WDR70: variants seen among roughly 807,000 people sequenced by gnomAD.
WDR70 encodes WD repeat domain 70, also known as WD repeat-containing protein 70.
WDR70 carries 53 observed loss-of-function variants against 88.6 expected under a neutral mutation model. The observed-to-expected ratio is 0.60, with a 90% CI of 0.48 to 0.75. WDR70 has a LOEUF of 0.75. WDR70 is among the 30% of genes least tolerant of loss of function. The pLI is 0.00. For missense variants in WDR70, 610 were observed against 823.2 expected (o/e 0.74, Z 3.17); for synonymous variants, 280 against 270.0 (o/e 1.04, Z -0.36).
Position 37,563,601 on chromosome 5 carries a change from G to A in WDR70, c.918-41463G>A, listed in dbSNP as rs1363740868. Among the ~76,000 whole-genome samples, 3 of 82,790 alleles carry A rather than the reference G, an allele frequency of 3.6e-5. 1 individual carries two copies. The highest frequency in any genetic ancestry group is 9.4e-5 in the African/African-American group (3 of 32,060). The allele number at this position is 82,790 out of a possible 152,430, so 54.3% of individuals were successfully genotyped here. On this transcript the variant is annotated intron_variant, in intron 9 of 17. Transcript: ENST00000265107. ...TCCCGGACGGGCGGCTGGCCGGGCG[G>A]GGGGATGACCCCCCCCACCTCCCCC...
At chr5:37,554,132 C>T (rs1325558350) in intron 9 of WDR70, among the ~76,000 whole-genome samples, 9 of 139,816 alleles carry the variant, frequency 6.4e-5, no homozygotes, top group East Asian at 2.0e-4. Flanking sequence ...TTTTTAAGTA[C>T]GCTCAGGTTG....
At chr5:37,424,570 A>G (rs564772051) in intron 5 of WDR70, among the ~76,000 whole-genome samples, 9 of 151,530 alleles carry the variant, frequency 5.9e-5, no homozygotes, top group South Asian at 2.1e-4. Flanking sequence ...ATGCCCGGCT[A>G]ATTTTTTTAT....
chr5:37,563,010 C>A (rs1408967708), intron 9 of WDR70, among the ~76,000 whole-genome samples: 3 of 138,276 alleles, frequency 2.2e-5, no homozygotes, highest in African/African-American at 7.6e-5. Context: ...CTCCTCACTT[C>A]CCAGTAGGGG....
intron 9 of WDR70, among the ~76,000 whole-genome samples, chr5:37,598,406 G>A (rs973438632): frequency 6.6e-6 from 1 of 152,124 alleles, no homozygotes; most frequent in African/African-American, 2.4e-5. Context: ...AATGAGATTA[G>A]GGATATAAAC....
chr5:37,427,470 A>C (rs1387503673), intron 5 of WDR70, among the ~76,000 whole-genome samples: 4 of 152,082 alleles, frequency 2.6e-5, no homozygotes, highest in Non-Finnish European at 4.4e-5. Context: ...GTATATGTAC[A>C]TACATGTACA....
chr5:37,697,833 G>C, intron 11 of WDR70, 79 bp downstream of exon 11: 1 of 1,252,122 alleles, frequency 8.0e-7, no homozygotes, highest in Non-Finnish European at 1.1e-6. Context: ...TAATATCCTA[G>C]TGCTTAGTAA....
In WDR70 at chr5:37,395,534, G is replaced by T. The variant is rs553096021; in HGVS notation, c.297-841G>T. Reference sequence around the variant, plus strand: ...TATGGTGTTTTTAGAATGCAAGAATGCTACATTTAATGTTTTGGCAATGTA... The same window carrying T: ...TATGGTGTTTTTAGAATGCAAGAATTCTACATTTAATGTTTTGGCAATGTA... On this transcript the variant is annotated intron_variant, in intron 4 of 17. Transcript: ENST00000265107. Among the ~76,000 whole-genome samples, 6 of 152,252 alleles carry T rather than the reference G, an allele frequency of 3.9e-5. No individual in the cohort carries two copies. The South Asian group carries it at 1.2e-3, about 32-fold the overall frequency.
At chr5:37,514,551 T>G (rs1258032206) in intron 8 of WDR70, among the ~76,000 whole-genome samples, 1 of 151,422 alleles carries the variant, frequency 6.6e-6, no homozygotes, top group African/African-American at 2.4e-5. Flanking sequence ...CCTTCCACCC[T>G]GCACCCCCGA....
intron 2 of WDR70, among the ~76,000 whole-genome samples, chr5:37,381,292 A>T (rs1257149251): frequency 6.6e-6 from 1 of 152,158 alleles, no homozygotes; most frequent in Non-Finnish European, 1.5e-5. Flanking sequence ...AAAGTCCATA[A>T]CCTTAATTAT....
chr5:37,405,350 A>G (rs1749321446), intron 5 of WDR70, among the ~76,000 whole-genome samples: 1 of 151,480 alleles, frequency 6.6e-6, no homozygotes, highest in African/African-American at 2.4e-5. Context: ...TTTTTGCCTT[A>G]TACTTTTTTT....
At chr5:37,618,660 A>G (rs1026754309) in intron 10 of WDR70, among the ~76,000 whole-genome samples, 1 of 152,176 alleles carries the variant, frequency 6.6e-6, no homozygotes, top group East Asian at 1.9e-4. Flanking sequence ...GAAGTGGGAA[A>G]AGGTTGAGGT....
chr5:37,579,013 C>T (rs987122610), intron 9 of WDR70, among the ~76,000 whole-genome samples: 2 of 152,182 alleles, frequency 1.3e-5, no homozygotes, highest in Admixed American at 1.3e-4. Flanking sequence ...TGTCTTCAAA[C>T]TGTCTGTTCC....
Position 37,655,073 on chromosome 5 carries a change from A to C in WDR70, c.1093-42582A>C, listed in dbSNP as rs147405642. On this transcript the variant is annotated intron_variant, in intron 10 of 17. Transcript: ENST00000265107. ...TCTTTACAATTTGGTATGTTTTTGC[A>C]GTGGCTGGTACTGGTTTTTCCTTTC... 3.9e-5 allele frequency among the ~76,000 whole-genome samples: 6 copies of C among 152,278 alleles called. No homozygotes were observed. In the East Asian group the frequency reaches 1.2e-3, roughly 29 times the overall value.
chr5:37,508,816 T>C (rs1327399303), intron 8 of WDR70, among the ~76,000 whole-genome samples: 1 of 152,208 alleles, frequency 6.6e-6, no homozygotes, highest in Non-Finnish European at 1.5e-5. Flanking sequence ...GGAAGTGTAC[T>C]ATCCAATTCT....
At chr5:37,386,109 G>C (rs972877299) in intron 3 of WDR70, among the ~76,000 whole-genome samples, 1 of 151,642 alleles carries the variant, frequency 6.6e-6, no homozygotes, top group African/African-American at 2.4e-5. Context: ...CACTGCACCT[G>C]GCCAAATATA....
At chr5:37,570,579 A>G (rs893750715) in intron 9 of WDR70, among the ~76,000 whole-genome samples, 2 of 152,146 alleles carry the variant, frequency 1.3e-5, no homozygotes, top group African/African-American at 2.4e-5. Flanking sequence ...TTAAGAGACA[A>G]AGAAGAGTCC....
At chr5:37,550,094 G>A (rs6883388) in intron 9 of WDR70, among the ~76,000 whole-genome samples, 87,616 of 151,846 alleles carry the variant, frequency 0.58, 25,429 homozygotes, top group Non-Finnish European at 0.61. Context: ...TGAACTCCTC[G>A]CCTCAAGGCA....
intron 9 of WDR70, among the ~76,000 whole-genome samples, chr5:37,538,162 T>G (rs577863599): frequency 1.3e-5 from 2 of 152,170 alleles, no homozygotes; most frequent in South Asian, 4.1e-4. Context: ...TAGGATCATT[T>G]TAGCAGGCTC....
intron 10 of WDR70, among the ~76,000 whole-genome samples, chr5:37,669,657 A>G (rs567697379): frequency 6.6e-6 from 1 of 152,230 alleles, no homozygotes; most frequent in East Asian, 1.9e-4. Context: ...TAAGAGATTT[A>G]CTGGGGAGTA....
Sources: gnomAD v4.1 joint callset for allele counts (sites outside exome capture counted in the v4.1 genomes callset) on GRCh38, gnomAD v4.1.1 for gene constraint, MANE v1.5 for transcripts, NCBI Gene and HGNC (gene_info 2026-07-23, HGNC 2026-07-21) for gene names.